The following RALGPS1 variants were observed in gnomAD, a reference collection of about 807,000 sequenced individuals.
RALGPS1 encodes ras-specific guanine nucleotide-releasing factor RalGPS1.
A neutral mutation model predicts 78.8 loss-of-function variants in RALGPS1; 19 were observed. The ratio of observed to expected loss-of-function variants is 0.24; its 90% CI spans 0.17 to 0.35. The LOEUF is 0.35. Among genes scored for constraint, RALGPS1 ranks in the 10% least tolerant of loss-of-function variants. The pLI, the probability that RALGPS1 is intolerant of heterozygous loss-of-function variation, is 1.00. For missense variants in RALGPS1, 454 were observed against 688.3 expected, an observed-to-expected ratio of 0.66 and a Z score of 3.81; for synonymous variants, 228 against 256.3, an observed-to-expected ratio of 0.89 and a Z score of 1.06.
chr9:126,948,817 T>A (rs986161825), intron 1 of RALGPS1, among the ~76,000 whole-genome samples: 2 of 130,050 alleles, frequency 1.5e-5, no homozygotes, highest in Admixed American at 7.5e-5. Flanking sequence ...TCCCAAGTTC[T>A]TTTTTTTTTT....
intron 1 of RALGPS1, among the ~76,000 whole-genome samples, chr9:126,923,406 ACT>A (rs1661241835): frequency 6.6e-6 from 1 of 152,126 alleles, no homozygotes; most frequent in Non-Finnish European, 1.5e-5. Flanking sequence ...CTTCTGACAC[ACT>A]CATTGTAGAA....
At chr9:126,966,231 T>C (rs1588694806) in intron 3 of RALGPS1, among the ~76,000 whole-genome samples, 1 of 152,108 alleles carries the variant, frequency 6.6e-6, no homozygotes, top group East Asian at 1.9e-4. Context: ...AAAAAATTCA[T>C]GTACAGACTG....
chr9:127,129,847 G>T (rs2056887007), intron 8 of RALGPS1, among the ~76,000 whole-genome samples: 1 of 152,196 alleles, frequency 6.6e-6, no homozygotes, highest in Admixed American at 6.5e-5. Flanking sequence ...TGGCTCAGAG[G>T]CCTGCAACCC....
chr9:127,110,091 G>C (rs1427488959), intron 8 of RALGPS1, among the ~76,000 whole-genome samples: 1 of 152,026 alleles, frequency 6.6e-6, no homozygotes, highest in South Asian at 2.1e-4. Flanking sequence ...GCATTTCTCT[G>C]CTCCCCTTTT....
At chr9:127,152,338 CT>C (rs368526179) in intron 8 of RALGPS1, among the ~76,000 whole-genome samples, 25 of 152,318 alleles carry the variant, frequency 1.6e-4, no homozygotes, top group African/African-American at 6.0e-4. Context: ...GTAATAAAAT[CT>C]ATTCAGCTTT....
intron 14 of RALGPS1, among the ~76,000 whole-genome samples, chr9:127,203,761 G>C (rs534861015): frequency 1.3e-5 from 2 of 152,334 alleles, no homozygotes; most frequent in East Asian, 1.9e-4. Context: ...GAGGCACCAG[G>C]CTCAGAGGTG....
intron 8 of RALGPS1, among the ~76,000 whole-genome samples, chr9:127,081,649 A>G (rs1333413316): frequency 6.6e-6 from 1 of 152,378 alleles, no homozygotes; most frequent in Admixed American, 6.5e-5. Flanking sequence ...GCTCTGGGCC[A>G]TTCCCAGCTC....
At chr9:126,920,037 C>A (rs2034592748) in intron 1 of RALGPS1, among the ~76,000 whole-genome samples, 1 of 152,124 alleles carries the variant, frequency 6.6e-6, no homozygotes, top group African/African-American at 2.4e-5. Flanking sequence ...TCTGTGTGTA[C>A]CTGGATCAGA....
At chr9:127,181,494 C>T (rs2060217040) in intron 11 of RALGPS1, among the ~76,000 whole-genome samples, 1 of 152,234 alleles carries the variant, frequency 6.6e-6, no homozygotes, top group Non-Finnish European at 1.5e-5. Flanking sequence ...GTCCCCACAG[C>T]TCCATATATC....
rs773752515 is a variant in RALGPS1, at chr9:127,091,878, C to A, written c.610+22522C>A. On this transcript the variant is annotated intron_variant, in intron 8 of 18. Transcript: ENST00000259351. The surrounding 1 kb of genome is among the most constrained non-coding windows in gnomAD (Gnocchi z 4.3). Reference sequence around the variant, plus strand: ...CCAGGAGTTTGTAGTTGCCTTGGTTCGTCAGCCAGTAAATGTTCTCCAGGC... The same window carrying A: ...CCAGGAGTTTGTAGTTGCCTTGGTTAGTCAGCCAGTAAATGTTCTCCAGGC... The A allele has an allele frequency of 1.9e-6, 3 of 1,614,020 alleles. No individual in the cohort carries two copies. In the Admixed American group the frequency reaches 5.0e-5, roughly 27 times the overall value.
chr9:126,966,093 T>G (rs1042026168), intron 3 of RALGPS1, 142 bp downstream of exon 3: 2 of 636,792 alleles, frequency 3.1e-6, no homozygotes. Flanking sequence ...CGTACCACCC[T>G]TTGTGAAATA....
chr9:127,158,450 C>T (rs1412474047), intron 8 of RALGPS1, among the ~76,000 whole-genome samples: 1 of 152,104 alleles, frequency 6.6e-6, no homozygotes, highest in African/African-American at 2.4e-5. Flanking sequence ...AAAATTTACA[C>T]ATACCACTAT....
At chr9:126,942,601 A>T (rs912503452) in intron 1 of RALGPS1, among the ~76,000 whole-genome samples, 1 of 152,136 alleles carries the variant, frequency 6.6e-6, no homozygotes, top group Non-Finnish European at 1.5e-5. Flanking sequence ...GCCATTTATC[A>T]TTGACTGTGG....
At chr9:127,000,466 G>T (rs1367030632) in intron 4 of RALGPS1, among the ~76,000 whole-genome samples, 2 of 145,000 alleles carry the variant, frequency 1.4e-5, no homozygotes, top group Non-Finnish European at 3.0e-5. Flanking sequence ...TATTAAAGAT[G>T]TGTTATTCAG....
At chr9:127,078,797 A>C (rs545663918) in intron 8 of RALGPS1, among the ~76,000 whole-genome samples, 1 of 152,354 alleles carries the variant, frequency 6.6e-6, no homozygotes, top group Admixed American at 6.5e-5. Context: ...CATTAGGATG[A>C]CTATTCCTCT....
intron 8 of RALGPS1, among the ~76,000 whole-genome samples, chr9:127,160,504 T>G (rs1371122688): frequency 2.6e-5 from 4 of 152,132 alleles, no homozygotes; most frequent in African/African-American, 9.7e-5. Context: ...AGGCCCTGTG[T>G]GGGGCATGGA....
At chr9:127,034,326 C>A in intron 4 of RALGPS1, 105 bp from the exon 5 acceptor site, 2 of 997,292 alleles carry the variant, frequency 2.0e-6, no homozygotes, top group South Asian at 1.4e-5. Flanking sequence ...GCCAAGGTGT[C>A]AGCCCTTTCC....
intron 1 of RALGPS1, among the ~76,000 whole-genome samples, chr9:126,955,614 TA>T (rs1337474184): frequency 2.0e-5 from 3 of 152,144 alleles, no homozygotes; most frequent in Non-Finnish European, 4.4e-5. Flanking sequence ...ACAAATTATT[TA>T]AAAAACAATT....
rs527550287 is a variant in RALGPS1, at chr9:127,092,108, A to G, written c.610+22752A>G. On this transcript the variant is annotated intron_variant, in intron 8 of 18. Transcript: ENST00000259351. ...ACCTCTTAATCTCTCCATGACTCAC[A>G]CATTATTCAAAAATATGTAGAGTGC... Among the ~76,000 whole-genome samples, 28 of 152,294 alleles carry G rather than the reference A, an allele frequency of 1.8e-4. No individual in the cohort carries two copies. In the South Asian group the frequency reaches 2.3e-3, roughly 12 times the overall value.
Sources: allele counts gnomAD v4.1 joint callset (sites outside exome capture counted in the v4.1 genomes callset), GRCh38; gene constraint gnomAD v4.1.1; non-coding constraint Gnocchi (gnomAD v3.1); transcripts MANE v1.5; gene names NCBI Gene and HGNC (gene_info 2026-07-23, HGNC 2026-07-21).